The following PLXNA4 variants were observed in gnomAD, a reference collection of about 807,000 sequenced individuals.
PLXNA4 encodes plexin A4.
Under a neutral mutation model 191.8 loss-of-function variants are expected in PLXNA4, and 44 were observed. That is an observed-to-expected ratio of 0.23 (90% CI 0.18 to 0.29). PLXNA4 has a LOEUF of 0.29. Among genes scored for constraint, PLXNA4 ranks in the 10% least tolerant of loss-of-function variants. The probability of loss-of-function intolerance (pLI) is 1.00; values close to 1 mark genes in which losing one functional copy is unlikely to be tolerated. For synonymous variants in PLXNA4, 1,082 were observed against 1,009.5 expected, an observed-to-expected ratio of 1.07 and a Z score of -1.36; for missense variants, 1,800 against 2,488.8, an observed-to-expected ratio of 0.72 and a Z score of 5.89.
chr7:132,189,056 G>GAGAGAGAGAGAGAGAGAA (rs1797007085), intron 14 of PLXNA4, among the ~76,000 whole-genome samples: 1 of 102,486 alleles, frequency 9.8e-6, no homozygotes, highest in Non-Finnish European at 1.9e-5. Flanking sequence ...GAGAGAGAGA[G>GAGAGAGAGAGAGAGAGAA]AGAGAGAGAG....
intron 3 of PLXNA4, among the ~76,000 whole-genome samples, chr7:132,475,659 AGCTAATTATGG>A (rs1797095498): frequency 6.6e-6 from 1 of 152,114 alleles, no homozygotes; most frequent in African/African-American, 2.4e-5. Flanking sequence ...ATTATCACTA[AGCTAATTATGG>A]GACTCACACT....
intron 15 of PLXNA4, among the ~76,000 whole-genome samples, chr7:132,186,127 A>C (rs1796871204): frequency 6.6e-6 from 1 of 152,182 alleles, no homozygotes; most frequent in Non-Finnish European, 1.5e-5. Flanking sequence ...AGAGAATCTC[A>C]GGCCAGCTGA....
chr7:132,226,645 G>GT (rs1798334014), intron 7 of PLXNA4, among the ~76,000 whole-genome samples: 1 of 152,226 alleles, frequency 6.6e-6, no homozygotes, highest in South Asian at 2.1e-4. Flanking sequence ...AGTTTTGCAT[G>GT]TATGTGTGTG....
intron 3 of PLXNA4, among the ~76,000 whole-genome samples, chr7:132,362,790 T>A (rs952512023): frequency 2.0e-5 from 3 of 152,104 alleles, no homozygotes; most frequent in Non-Finnish European, 4.4e-5. Flanking sequence ...AAAATAATAA[T>A]AACAACAGGA....
chr7:132,512,990 C>T (rs564165860), intron 1 of PLXNA4, among the ~76,000 whole-genome samples: 41 of 152,326 alleles, frequency 2.7e-4, no homozygotes, highest in African/African-American at 6.7e-4. Flanking sequence ...CATCGAACTA[C>T]GTAGAGTGGG....
chr7:132,198,225 A>C (rs1380974006), intron 13 of PLXNA4, among the ~76,000 whole-genome samples: 1 of 152,148 alleles, frequency 6.6e-6, no homozygotes, highest in African/African-American at 2.4e-5. Context: ...ATGCGGCCTT[A>C]TGCCCCAAGT....
rs190653875 is a variant in PLXNA4, at chr7:132,466,432, G to A, written c.1371+22860C>T. 9.8e-5 allele frequency among the ~76,000 whole-genome samples: 15 copies of A among 152,320 alleles called. No homozygotes were observed. The East Asian group carries it at 1.4e-3, about 14-fold the overall frequency. On this transcript the variant is annotated intron_variant, in intron 3 of 31. Coordinates refer to ENST00000321063, the MANE Select transcript of PLXNA4 (RefSeq NM_020911.2). ...TGTCCGGACCTCAGTTTCCTTGAGC[G>A]TCCTTAGCAACGATAAGCATATCTA...
chr7:132,267,440 G>A lies in PLXNA4; in HGVS notation c.1504-26274C>T, dbSNP rs116306328. On this transcript the variant is annotated intron_variant, in intron 4 of 31. Coordinates refer to ENST00000321063, the MANE Select transcript of PLXNA4 (RefSeq NM_020911.2). ...AGCTCACAGAGCCCTCAGCCCTAGAGCAGTTCTGACCTTGACTTAGTATAT... is the reference window on the plus strand; with the variant it reads ...AGCTCACAGAGCCCTCAGCCCTAGAACAGTTCTGACCTTGACTTAGTATAT... Among the ~76,000 whole-genome samples, 970 of 152,268 alleles carry A rather than the reference G, an allele frequency of 6.4e-3. 14 individuals carry two copies. Among genetic ancestry groups the A allele is most frequent in the African/African-American group, 0.023 (942 of 41,546 alleles).
At chr7:132,562,410 T>C (rs1458822622) in intron 1 of PLXNA4, among the ~76,000 whole-genome samples, 27 of 95,258 alleles carry the variant, frequency 2.8e-4, no homozygotes, top group African/African-American at 5.9e-4. Context: ...TCCTCCTCCT[T>C]CTCCTCCTTC....
intron 3 of PLXNA4, among the ~76,000 whole-genome samples, chr7:132,391,386 T>G (rs776428920): frequency 6.6e-6 from 1 of 152,236 alleles, no homozygotes; most frequent in Admixed American, 6.5e-5. Context: ...CTTCTGTTAC[T>G]GGGGACAGCT....
intron 4 of PLXNA4, among the ~76,000 whole-genome samples, chr7:132,268,178 G>A (rs1390559567): frequency 1.3e-5 from 2 of 152,146 alleles, no homozygotes; most frequent in Admixed American, 1.3e-4. Context: ...TGGTTTGCAG[G>A]GCCTTGAGAT....
At chr7:132,339,702 A>C (rs1386301913) in intron 3 of PLXNA4, among the ~76,000 whole-genome samples, 1 of 152,188 alleles carries the variant, frequency 6.6e-6, no homozygotes, top group East Asian at 1.9e-4. Context: ...CAATAATTGT[A>C]AATGTTTAGG....
intron 8 of PLXNA4, among the ~76,000 whole-genome samples, chr7:132,225,618 C>CCCG (rs951592001): frequency 2.4e-4 from 36 of 151,054 alleles, no homozygotes; most frequent in African/African-American, 6.3e-4. Flanking sequence ...CAGAGTCCGC[C>CCCG]CCCCCCCACA....
chr7:132,192,429 AGGAG>A (rs1045751901), intron 14 of PLXNA4, among the ~76,000 whole-genome samples: 9 of 151,518 alleles, frequency 5.9e-5, no homozygotes, highest in Admixed American at 5.3e-4. Flanking sequence ...GATGAGATAA[AGGAG>A]GGAGGGAGGA....
rs1796708351 is a variant in PLXNA4 at position 132,181,588 on chromosome 7, G to A, written c.3285C>T (p.Thr1095=). 4 of 1,614,204 alleles carry A rather than the reference G, an allele frequency of 2.5e-6. No homozygotes were observed. Among genetic ancestry groups the A allele is most frequent in the Non-Finnish European group, 3.4e-6 (4 of 1,180,040 alleles). ...CCAGAGCGAGGGCGGGCGCCTGACA[G>A]GTCATCTCAGTAGCGTTCAGAACCT... The part of the protein sequence containing the change: ...ICEVLNATEM[T]CQAPALALGP... The change falls in exon 18 of 32, where the codon ACC becomes ACT. Residue 1095 remains threonine, a synonymous_variant. Coordinates refer to ENST00000321063, the MANE Select transcript of PLXNA4 (RefSeq NM_020911.2).
At chr7:132,275,375 G>A (rs560617275) in intron 4 of PLXNA4, among the ~76,000 whole-genome samples, 1 of 151,994 alleles carries the variant, frequency 6.6e-6, no homozygotes, top group Non-Finnish European at 1.5e-5. Context: ...TTTAAAATGC[G>A]GGTATAGTTC....
At chr7:132,228,302 T>C in intron 6 of PLXNA4, 44 bp downstream of exon 6, 1 of 1,610,968 alleles carries the variant, frequency 6.2e-7, no homozygotes, top group Non-Finnish European at 8.5e-7. Flanking sequence ...GGGGAGAGTT[T>C]TCCTTGCATC....
chr7:132,323,087 G>T (rs576959547), intron 3 of PLXNA4, among the ~76,000 whole-genome samples: 1 of 152,204 alleles, frequency 6.6e-6, no homozygotes, highest in Non-Finnish European at 1.5e-5. Flanking sequence ...GAAAAGATCC[G>T]TTGGGGGAGA....
chr7:132,626,195 C>A (rs1248402177), intron 2 of PLXNA4, among the ~76,000 whole-genome samples: 1 of 152,176 alleles, frequency 6.6e-6, no homozygotes, highest in Non-Finnish European at 1.5e-5. Flanking sequence ...GAAATCTATT[C>A]CCTCCTCCAC....
Sources: allele counts gnomAD v4.1 joint callset (sites outside exome capture counted in the v4.1 genomes callset), GRCh38; gene constraint gnomAD v4.1.1; transcripts MANE v1.5; gene names NCBI Gene and HGNC (gene_info 2026-07-23, HGNC 2026-07-21).